Variants in EXOC4 observed in about 807,000 individuals in gnomAD.
The protein encoded by EXOC4 is exocyst complex component 4.
In EXOC4, 71 loss-of-function variants were observed where a neutral mutation model predicts 107.2. That is an observed-to-expected ratio of 0.66 (90% CI 0.55 to 0.81). EXOC4 has a LOEUF of 0.81. Among genes scored for constraint, EXOC4 ranks in the 30% least tolerant of loss-of-function variants. EXOC4 has a pLI of 0.00. For synonymous variants in EXOC4, 456 were observed against 441.2 expected (o/e 1.03, Z -0.42); for missense variants, 1,108 against 1,189.6 (o/e 0.93, Z 1.01).
chr7:134,064,570 A>G lies in EXOC4; in HGVS notation c.*42A>G. 3 of 1,385,228 alleles carry G rather than the reference A, an allele frequency of 2.2e-6. No homozygotes were observed. Among genetic ancestry groups the G allele is most frequent in the Non-Finnish European group, 3.0e-6 (3 of 1,013,974 alleles). 85.8% of individuals were successfully genotyped at this position (1,385,228 alleles called of 1,614,324 possible). Reference sequence around the variant, plus strand: ...TGGTGACGGGGGTCCCCTCAGTCACACTCACTTTTTTCCTTGGTATGTTAT... The same window carrying G: ...TGGTGACGGGGGTCCCCTCAGTCACGCTCACTTTTTTCCTTGGTATGTTAT... On this transcript the variant is annotated 3_prime_UTR_variant, in exon 18 of 18. Transcript: ENST00000253861.
In EXOC4 at chr7:133,347,278, C is replaced by T. The variant is rs1209104587; in HGVS notation, c.764-9052C>T. On this transcript the variant is annotated intron_variant, in intron 5 of 17. Coordinates refer to ENST00000253861, the MANE Select transcript of EXOC4 (RefSeq NM_021807.4). ...TTTTTTTGTGAGGCAGAGTTTTGCT[C>T]TCTTGCCCAGGCTAGAGTGCAGTGG... Among the ~76,000 whole-genome samples the T allele has an allele frequency of 1.3e-4, 19 of 147,518 alleles. No individual in the cohort carries two copies. In the South Asian group the frequency reaches 4.0e-3, roughly 31 times the overall value.
chr7:133,987,474 AAGG>A (rs962176188), intron 14 of EXOC4, among the ~76,000 whole-genome samples: 6 of 150,774 alleles, frequency 4.0e-5, no homozygotes, highest in African/African-American at 7.3e-5. Context: ...GAAGGAGAGA[AAGG>A]AGGGAAGCGG....
At chr7:133,773,853 C>T (rs1355536884) in intron 10 of EXOC4, among the ~76,000 whole-genome samples, 19 of 151,992 alleles carry the variant, frequency 1.3e-4, no homozygotes, top group African/African-American at 2.4e-5. Flanking sequence ...TGTCTGCTAC[C>T]AGTAGAAGAC....
chr7:133,926,683 A>G (rs1334254437), intron 13 of EXOC4, among the ~76,000 whole-genome samples: 1 of 152,226 alleles, frequency 6.6e-6, no homozygotes, highest in African/African-American at 2.4e-5. Flanking sequence ...GGGGAATGAA[A>G]CATAAAAATG....
chr7:133,293,929 T>C (rs1794462320), intron 3 of EXOC4, among the ~76,000 whole-genome samples: 1 of 152,236 alleles, frequency 6.6e-6, no homozygotes, highest in Non-Finnish European at 1.5e-5. Flanking sequence ...TGTGCTGGGT[T>C]GATGCAAGCA....
intron 7 of EXOC4, among the ~76,000 whole-genome samples, chr7:133,468,823 G>A (rs2150837808): frequency 6.6e-6 from 1 of 151,886 alleles, no homozygotes. Flanking sequence ...ATTTTTTTTG[G>A]CTTTTACAGT....
At chr7:133,811,141 T>C (rs570981546) in intron 10 of EXOC4, among the ~76,000 whole-genome samples, 31 of 152,272 alleles carry the variant, frequency 2.0e-4, no homozygotes, top group African/African-American at 6.5e-4. Flanking sequence ...TACACAGATA[T>C]ACCTGTATGT....
chr7:133,698,386 G>A (rs994931055), intron 10 of EXOC4, among the ~76,000 whole-genome samples: 1 of 151,992 alleles, frequency 6.6e-6, no homozygotes, highest in African/African-American at 2.4e-5. Context: ...GATCGCTTGA[G>A]CCCAGGAGTT....
intron 17 of EXOC4, among the ~76,000 whole-genome samples, chr7:134,059,490 G>C (rs1384875909): frequency 6.6e-6 from 1 of 152,106 alleles, no homozygotes; most frequent in Non-Finnish European, 1.5e-5. Context: ...ATGAAAAATT[G>C]TTCCACCTCA....
chr7:133,750,499 T>G (rs564793391), intron 10 of EXOC4, among the ~76,000 whole-genome samples: 1 of 152,236 alleles, frequency 6.6e-6, no homozygotes, highest in East Asian at 1.9e-4. Context: ...CTGTGAGGAA[T>G]CCAGCTTTAA....
chr7:133,296,969 T>C (rs1242900604), intron 3 of EXOC4, among the ~76,000 whole-genome samples: 1 of 152,174 alleles, frequency 6.6e-6, no homozygotes, highest in Non-Finnish European at 1.5e-5. Flanking sequence ...GCAGGCAACA[T>C]TGGAACTATT....
intron 10 of EXOC4, among the ~76,000 whole-genome samples, chr7:133,639,943 G>A (rs1188973678): frequency 6.6e-6 from 1 of 152,000 alleles, no homozygotes; most frequent in Non-Finnish European, 1.5e-5. Flanking sequence ...TTTAGTGAAG[G>A]AATATGGAAG....
intron 9 of EXOC4, among the ~76,000 whole-genome samples, chr7:133,603,870 T>C (rs1801869378): frequency 6.6e-6 from 1 of 152,166 alleles, no homozygotes; most frequent in Admixed American, 6.5e-5. Flanking sequence ...ACTGTAACTT[T>C]TTTCCTTTAT....
In EXOC4 at chr7:133,857,147, CGTATATATATATATATAT is replaced by C. The variant is rs1187678958; in HGVS notation, c.1735-38451_1735-38434del. Among the ~76,000 whole-genome samples the C allele has an allele frequency of 6.3e-4, 12 of 19,090 alleles. 2 individuals carry two copies. Among genetic ancestry groups the C allele is most frequent in the South Asian group, 3.3e-3 (2 of 606 alleles). 12.5% of individuals were successfully genotyped at this position (19,090 alleles called of 152,430 possible). On this transcript the variant is annotated intron_variant, in intron 11 of 17. Coordinates refer to ENST00000253861, the MANE Select transcript of EXOC4 (RefSeq NM_021807.4). ...ATATGTATATATATATACACATACA[CGTATATATATATATATAT>C]ATATATATATATATATATATATATA... is the stretch of plus-strand genomic sequence containing the variant.
intron 9 of EXOC4, chr7:133,601,701 A>G (rs1322378818): frequency 1.3e-5 from 2 of 152,244 alleles, no homozygotes; most frequent in African/African-American, 4.8e-5. Flanking sequence ...CTCCATCATG[A>G]CAGAGAACAG....
At chr7:133,857,876 G>A (rs1267291432) in intron 11 of EXOC4, among the ~76,000 whole-genome samples, 4 of 152,090 alleles carry the variant, frequency 2.6e-5, no homozygotes, top group Non-Finnish European at 4.4e-5. Context: ...GGCGTGGGGG[G>A]AGGCATGTCT....
intron 3 of EXOC4, 65 bp downstream of exon 3, chr7:133,289,181 C>T (rs1794349062): frequency 7.1e-7 from 1 of 1,411,012 alleles, no homozygotes; most frequent in African/African-American, 1.4e-5. Context: ...CTTTTATTCT[C>T]TCTGAATCCT....
At chr7:133,853,345 AACACACACACACACACACAC>A (rs59000979) in intron 11 of EXOC4, among the ~76,000 whole-genome samples, 82 of 115,570 alleles carry the variant, frequency 7.1e-4, no homozygotes, top group East Asian at 2.8e-3. Context: ...CTCTCTCTTT[AACACACACACACACACACAC>A]ACACACACAC....
intron 2 of EXOC4, among the ~76,000 whole-genome samples, chr7:133,276,679 GC>G (rs1303488496): frequency 6.6e-6 from 1 of 152,164 alleles, no homozygotes; most frequent in African/African-American, 2.4e-5. Context: ...ACTGAGTGAT[GC>G]ATAGACTATG....
Sources: gnomAD v4.1 joint callset for allele counts (sites outside exome capture counted in the v4.1 genomes callset) on GRCh38, gnomAD v4.1.1 for gene constraint, MANE v1.5 for transcripts, NCBI Gene and HGNC (gene_info 2026-07-23, HGNC 2026-07-21) for gene names.